Variants in TPTE observed in about 807,000 individuals in gnomAD.
The protein encoded by TPTE is transmembrane phosphatase with tensin homology.
In TPTE, 59 loss-of-function variants were observed where a neutral mutation model predicts 84.1. The ratio of observed to expected loss-of-function variants is 0.70; its 90% CI spans 0.57 to 0.87. TPTE has a LOEUF of 0.87. Ranked by LOEUF, TPTE falls within the 40% of genes least tolerant of loss-of-function variation. The pLI, the probability that TPTE is intolerant of heterozygous loss-of-function variation, is 0.00. For synonymous variants in TPTE, 130 were observed against 223.5 expected, an observed-to-expected ratio of 0.58 and a Z score of 3.73; for missense variants, 382 against 659.6, an observed-to-expected ratio of 0.58 and a Z score of 4.61.
intron 23 of TPTE, 42 bp downstream of exon 23, chr21:10,603,674 AAT>A (rs1286077187): frequency 1.6e-5 from 26 of 1,598,748 alleles, no homozygotes; most frequent in Non-Finnish European, 2.2e-5. Flanking sequence ...CCTAATCTTC[AAT>A]GTCTATGTAT....
intron 10 of TPTE, among the ~76,000 whole-genome samples, chr21:10,567,419 CTTA>C (rs1216246145): frequency 6.6e-6 from 1 of 152,312 alleles, no homozygotes; most frequent in Non-Finnish European, 1.5e-5. Context: ...AGTTATATCT[CTTA>C]TTATGTTTGA....
chr21:10,577,074 TCA>T (rs1228696596), intron 14 of TPTE, among the ~76,000 whole-genome samples: 1 of 152,312 alleles, frequency 6.6e-6, no homozygotes, highest in African/African-American at 2.4e-5. Context: ...AATATGCAGA[TCA>T]CTCTCTAAAG....
At chr21:10,546,891 C>T (rs374847771) in intron 7 of TPTE, among the ~76,000 whole-genome samples, 3,765 of 150,936 alleles carry the variant, frequency 0.025, 1 homozygote, top group African/African-American at 0.089. Context: ...CAGCCAGTGC[C>T]GATGCAGAAG....
chr21:10,545,296 G>A (rs2074445242), intron 7 of TPTE, among the ~76,000 whole-genome samples: 2 of 152,258 alleles, frequency 1.3e-5, no homozygotes, highest in African/African-American at 2.4e-5. Flanking sequence ...TCATTAGTTT[G>A]TTTGTTAAGG....
Position 10,605,633 on chromosome 21 carries a change from C to G in TPTE, c.*81C>G, listed in dbSNP as rs28451844. 2,757 of 1,591,068 alleles carry G rather than the reference C, an allele frequency of 1.7e-3. No homozygotes were observed. In the African/African-American group the frequency reaches 0.033, roughly 19 times the overall value. On this transcript the variant is annotated 3_prime_UTR_variant, in exon 24 of 24. Transcript: ENST00000618007. ...CATGTTCATATATCCTAAATCTATC[C>G]TAAATGTTCCTTGAAGTATTTATTT...
chr21:10,536,195 T>C (rs113721199), intron 3 of TPTE, among the ~76,000 whole-genome samples: 13,554 of 147,450 alleles, frequency 0.092, 5 homozygotes, highest in African/African-American at 0.22. Context: ...GGAGAATTGC[T>C]TGAACCTGGG....
At chr21:10,596,405 G>A (rs990123970) in intron 20 of TPTE, among the ~76,000 whole-genome samples, 1 of 152,306 alleles carries the variant, frequency 6.6e-6, no homozygotes, top group African/African-American at 2.4e-5. Flanking sequence ...CCTCTGATGA[G>A]GGAGGAGGAG....
Position 10,542,386 on chromosome 21 carries a change from A to C in TPTE, c.66-9A>C. ...TCCTCTCTGACTGTTTTCTCTTATC[A>C]TCCACTAGTCCACAGACAAGTGAAT... is the stretch of plus-strand genomic sequence containing the variant. On this transcript the variant is annotated splice_polypyrimidine_tract_variant and intron_variant, in intron 5 of 23. Coordinates refer to ENST00000618007, the MANE Select transcript of TPTE (RefSeq NM_199261.4). 1.2e-6 allele frequency: 2 copies of C among 1,610,934 alleles called. No homozygotes were observed. Among genetic ancestry groups the C allele is most frequent in the Non-Finnish European group, 1.7e-6 (2 of 1,177,762 alleles).
At chr21:10,581,149 T>C (rs1201434323) in intron 17 of TPTE, among the ~76,000 whole-genome samples, 10 of 152,402 alleles carry the variant, frequency 6.6e-5, no homozygotes, top group African/African-American at 1.9e-4. Flanking sequence ...TATTAGTTAA[T>C]ATACAGGTTC....
At chr21:10,535,380 A>G (rs1231400923) in intron 3 of TPTE, among the ~76,000 whole-genome samples, 1 of 152,288 alleles carries the variant, frequency 6.6e-6, no homozygotes, top group Non-Finnish European at 1.5e-5. Flanking sequence ...ACAATGAAAG[A>G]GAAAGAGAAG....
chr21:10,531,851 T>A (rs2074184057), intron 3 of TPTE, among the ~76,000 whole-genome samples: 1 of 152,310 alleles, frequency 6.6e-6, no homozygotes, highest in Non-Finnish European at 1.5e-5. Flanking sequence ...AATATGGTGT[T>A]AGGTGGGGAT....
At chr21:10,555,230 C>T (rs2145657396) in intron 8 of TPTE, among the ~76,000 whole-genome samples, 1 of 152,196 alleles carries the variant, frequency 6.6e-6, no homozygotes, top group African/African-American at 2.4e-5. Context: ...TTTTTTTGAG[C>T]CGGAGTCTCG....
At chr21:10,529,181 CT>C (rs2074134027) in intron 3 of TPTE, among the ~76,000 whole-genome samples, 19 of 138,594 alleles carry the variant, frequency 1.4e-4, no homozygotes, top group Non-Finnish European at 2.3e-4. Context: ...AAAACTCTGT[CT>C]CAAAAAAAAA....
At chr21:10,541,856 A>T (rs2074376032) in intron 5 of TPTE, among the ~76,000 whole-genome samples, 1 of 152,312 alleles carries the variant, frequency 6.6e-6, no homozygotes, top group Admixed American at 6.5e-5. Context: ...AGAAAGCAAC[A>T]GAGCTATGAG....
chr21:10,541,634 A>G (rs1266732666), intron 5 of TPTE, among the ~76,000 whole-genome samples: 1 of 152,312 alleles, frequency 6.6e-6, no homozygotes, highest in Admixed American at 6.5e-5. Flanking sequence ...GATAACTTCC[A>G]CATTTTTACA....
At chr21:10,605,307 T>G (rs1601000032) in intron 23 of TPTE, 110 bp from the exon 24 acceptor site, 1 of 1,416,878 alleles carries the variant, frequency 7.1e-7, no homozygotes, top group Non-Finnish European at 9.4e-7. Context: ...TGAGGTTCTA[T>G]TCATGGTGAG....
chr21:10,579,231 A>G (rs1189637897), intron 17 of TPTE, among the ~76,000 whole-genome samples: 1 of 152,428 alleles, frequency 6.6e-6, no homozygotes, highest in East Asian at 1.9e-4. Flanking sequence ...TCCTTTAATT[A>G]ACATCTCAGG....
intron 3 of TPTE, among the ~76,000 whole-genome samples, chr21:10,537,801 G>A (rs1380579820): frequency 1.3e-5 from 2 of 152,310 alleles, no homozygotes; most frequent in African/African-American, 4.8e-5. Context: ...TTAAATCAAG[G>A]CATGCACCCA....
chr21:10,604,761 C>CA (rs1448120993), intron 23 of TPTE, among the ~76,000 whole-genome samples: 2 of 152,404 alleles, frequency 1.3e-5, no homozygotes, highest in African/African-American at 2.4e-5. Flanking sequence ...TCCTTTAAAA[C>CA]ACTATGTTCA....
Sources: allele counts gnomAD v4.1 joint callset (sites outside exome capture counted in the v4.1 genomes callset), GRCh38; gene constraint gnomAD v4.1.1; transcripts MANE v1.5; gene names NCBI Gene and HGNC (gene_info 2026-07-23, HGNC 2026-07-21).